Variants in SLC35F4 observed in about 807,000 individuals in gnomAD.
The protein encoded by SLC35F4 is solute carrier family 35 member F4.
Under a neutral mutation model 44.2 loss-of-function variants are expected in SLC35F4, and 24 were observed. That is an observed-to-expected ratio of 0.54 (90% CI 0.39 to 0.76). SLC35F4 has a LOEUF of 0.76. Ranked by LOEUF, SLC35F4 falls within the 30% of genes least tolerant of loss-of-function variation. The pLI, the probability that SLC35F4 is intolerant of heterozygous loss-of-function variation, is 0.00. For synonymous variants in SLC35F4, 238 were observed against 223.6 expected (o/e 1.06, Z -0.57); for missense variants, 562 against 586.1 (o/e 0.96, Z 0.42).
In SLC35F4 at chr14:57,964,118, T is replaced by C. The variant is rs114246251; in HGVS notation, n.282+17795A>G. Among the ~76,000 whole-genome samples the C allele has an allele frequency of 3.8e-3, 578 of 152,242 alleles. 5 individuals are homozygous for C. Among genetic ancestry groups the C allele is most frequent in the African/African-American group, 0.013 (549 of 41,548 alleles). On this transcript the variant is annotated intron_variant and non_coding_transcript_variant, in intron 1 of 1. Coordinates refer to the SLC35F4 transcript ENST00000556568. ...TTTGGGAAGACTCTGTTCTCTTTACTCAGAGGATAAATCACCTTCTTGGCA... is the reference window on the plus strand; with the variant it reads ...TTTGGGAAGACTCTGTTCTCTTTACCCAGAGGATAAATCACCTTCTTGGCA...
intron 1 of SLC35F4, among the ~76,000 whole-genome samples, chr14:57,804,455 G>A (rs1163056481): frequency 6.6e-6 from 1 of 152,108 alleles, no homozygotes; most frequent in Non-Finnish European, 1.5e-5. Context: ...AGAGAACTCA[G>A]AAATAAGACC....
intron 1 of SLC35F4, among the ~76,000 whole-genome samples, chr14:57,885,386 G>GT (rs1390683186): frequency 6.6e-6 from 1 of 152,184 alleles, no homozygotes; most frequent in Non-Finnish European, 1.5e-5. Context: ...CACAGAATAA[G>GT]TGCAGCGCAA....
Position 57,571,036 on chromosome 14 carries a change from C to T in SLC35F4, c.933+858G>A, listed in dbSNP as rs556038435. Among the ~76,000 whole-genome samples, 7 of 152,128 alleles carry T rather than the reference C, an allele frequency of 4.6e-5. No individual in the cohort carries two copies. In the South Asian group the frequency reaches 1.5e-3, roughly 32 times the overall value. On this transcript the variant is annotated intron_variant, in intron 5 of 7. Coordinates refer to ENST00000556826, the MANE Select transcript of SLC35F4 (RefSeq NM_001306087.2). ...GTCAATATGGAAATAGACTTCATGC[C>T]CTCTGAGACACAGTGTTGGTTAATA...
At chr14:57,713,490 C>T (rs996615050) in intron 1 of SLC35F4, among the ~76,000 whole-genome samples, 6 of 152,170 alleles carry the variant, frequency 3.9e-5, no homozygotes, top group African/African-American at 1.2e-4. Context: ...TAGTTCACAC[C>T]TTTACACCAT....
chr14:57,805,189 A>G (rs1377244350), intron 1 of SLC35F4, among the ~76,000 whole-genome samples: 1 of 152,224 alleles, frequency 6.6e-6, no homozygotes, highest in African/African-American at 2.4e-5. Flanking sequence ...AAATTAGTTC[A>G]ACCATTGTGG....
At chr14:57,709,676 C>T (rs906150026) in intron 1 of SLC35F4, among the ~76,000 whole-genome samples, 1 of 151,952 alleles carries the variant, frequency 6.6e-6, no homozygotes, top group Non-Finnish European at 1.5e-5. Context: ...TTGCCCCTGC[C>T]CTAGAGATCT....
In SLC35F4 at chr14:57,880,062, AAGGAAGGAAGGAAGGAAGGAAG is replaced by A. The variant is rs1227168754; in HGVS notation, n.282+101829_282+101850del. On this transcript the variant is annotated intron_variant and non_coding_transcript_variant, in intron 1 of 1. Transcript: ENST00000556568. ...GAAGGAAGGAAGGAAGGAAGGAAGG[AAGGAAGGAAGGAAGGAAGGAAG>A]GAAGGAAGGAAGGAAGGAAGGAAGG... 1.1e-4 allele frequency among the ~76,000 whole-genome samples: 11 copies of A among 101,810 alleles called. 1 individual carries two copies. The highest frequency in any genetic ancestry group is 4.0e-4 in the African/African-American group (11 of 27,448). 66.8% of individuals were successfully genotyped at this position (101,810 alleles called of 152,430 possible). A position where few individuals can be genotyped will look rare whatever the true frequency, so the allele number is the denominator to read the frequency against.
intron 1 of SLC35F4, among the ~76,000 whole-genome samples, chr14:57,712,758 A>G (rs562597288): frequency 6.6e-6 from 1 of 152,360 alleles, no homozygotes; most frequent in Admixed American, 6.5e-5. Context: ...ATGCATATTT[A>G]TATTCCATAA....
chr14:57,921,266 T>A (rs997341606), intron 1 of SLC35F4, among the ~76,000 whole-genome samples: 1 of 152,136 alleles, frequency 6.6e-6, no homozygotes, highest in African/African-American at 2.4e-5. Context: ...TTGTGTACCA[T>A]GCAGAGGGAT....
intron 1 of SLC35F4, among the ~76,000 whole-genome samples, chr14:57,896,865 C>T (rs760469554): frequency 3.3e-5 from 5 of 151,198 alleles, no homozygotes; most frequent in South Asian, 2.1e-4. Context: ...ACACTTCAAT[C>T]CCAGCATGGG....
chr14:57,633,801 T>C lies in SLC35F4; in HGVS notation c.104-39677A>G, dbSNP rs77413641. 6.8e-3 allele frequency among the ~76,000 whole-genome samples: 1,029 copies of C among 152,272 alleles called. 14 individuals carry two copies. The highest frequency in any genetic ancestry group is 0.024 in the African/African-American group (1,003 of 41,580). On this transcript the variant is annotated intron_variant, in intron 1 of 7. Transcript: ENST00000556826. ...TAGTATATAACATTTTGAGGCTGGC[T>C]TTCTTCACTCAGCATAATGCCCTCA...
At chr14:57,594,817 G>C (rs2070398023) in intron 1 of SLC35F4, among the ~76,000 whole-genome samples, 1 of 152,046 alleles carries the variant, frequency 6.6e-6, no homozygotes, top group Non-Finnish European at 1.5e-5. Context: ...ATCACTACTA[G>C]CCTCTATCCG....
chr14:57,849,443 T>G (rs1415251654), intron 1 of SLC35F4, among the ~76,000 whole-genome samples: 1 of 151,616 alleles, frequency 6.6e-6, no homozygotes, highest in East Asian at 2.0e-4. Context: ...ATTATAGGCA[T>G]GAGCCACCAA....
chr14:57,674,096 G>C (rs1333660827), intron 1 of SLC35F4, among the ~76,000 whole-genome samples: 2 of 151,844 alleles, frequency 1.3e-5, no homozygotes, highest in African/African-American at 4.8e-5. Flanking sequence ...TTATTATACA[G>C]GTAAAACTTA....
intron 1 of SLC35F4, among the ~76,000 whole-genome samples, chr14:57,608,199 C>T (rs1428309975): frequency 2.0e-5 from 3 of 152,054 alleles, no homozygotes; most frequent in South Asian, 2.1e-4. Flanking sequence ...TGTTGAATTG[C>T]GTCCCACTCT....
At chr14:57,768,791 C>T (rs548200856) in intron 1 of SLC35F4, among the ~76,000 whole-genome samples, 87 of 151,924 alleles carry the variant, frequency 5.7e-4, no homozygotes, top group African/African-American at 1.8e-3. Flanking sequence ...CTTGCTCGGT[C>T]GCCCAGGCTA....
intron 1 of SLC35F4, among the ~76,000 whole-genome samples, chr14:57,825,851 C>A (rs1208764911): frequency 6.6e-6 from 1 of 152,088 alleles, no homozygotes; most frequent in Non-Finnish European, 1.5e-5. Flanking sequence ...CCTACCACCA[C>A]TCAAAGAAAT....
intron 1 of SLC35F4, 39 bp downstream of exon 1, chr14:57,865,684 C>T: frequency 6.7e-7 from 1 of 1,494,878 alleles, no homozygotes. Context: ...GCCCACCTCC[C>T]TTCCCCGCCT....
intron 1 of SLC35F4, among the ~76,000 whole-genome samples, chr14:57,924,229 A>T (rs1274350937): frequency 6.6e-6 from 1 of 152,332 alleles, no homozygotes; most frequent in East Asian, 1.9e-4. Flanking sequence ...GAACCAATAC[A>T]GCTGGGTAAT....
Sources: gnomAD v4.1 joint callset for allele counts (sites outside exome capture counted in the v4.1 genomes callset) on GRCh38, gnomAD v4.1.1 for gene constraint, MANE v1.5 for transcripts, NCBI Gene and HGNC (gene_info 2026-07-23, HGNC 2026-07-21) for gene names.